Variants in ZNF407 observed in about 807,000 individuals in gnomAD.
ZNF407 encodes zinc finger protein 407.
Under a neutral mutation model 131.2 loss-of-function variants are expected in ZNF407, and 17 were observed. The observed-to-expected ratio is 0.13, with a 90% CI of 0.09 to 0.19. ZNF407 has a LOEUF of 0.19. Ranked by LOEUF, ZNF407 falls within the 10% of genes least tolerant of loss-of-function variation. The pLI, the probability that ZNF407 is intolerant of heterozygous loss-of-function variation, is 1.00. For synonymous variants in ZNF407, 1,156 were observed against 1,062.0 expected, an observed-to-expected ratio of 1.09 and a Z score of -1.72; for missense variants, 2,681 against 2,830.6, an observed-to-expected ratio of 0.95 and a Z score of 1.20.
chr18:74,739,476 T>C (rs1968497378), intron 3 of ZNF407, among the ~76,000 whole-genome samples: 1 of 151,728 alleles, frequency 6.6e-6, no homozygotes, highest in African/African-American at 2.4e-5. Context: ...GAGAATGTTC[T>C]TACATTTGGG....
chr18:74,846,900 A>G, intron 4 of ZNF407, among the ~76,000 whole-genome samples: 1 of 151,858 alleles, frequency 6.6e-6, no homozygotes, highest in African/African-American at 2.4e-5. Context: ...AGGCTGAGGC[A>G]GGAGAATCAC....
intron 8 of ZNF407, among the ~76,000 whole-genome samples, chr18:74,929,131 T>G (rs970403043): frequency 8.5e-5 from 13 of 152,164 alleles, no homozygotes; most frequent in African/African-American, 3.1e-4. Flanking sequence ...CTACAGGACC[T>G]TAAAGAAAAG....
chr18:74,782,383 C>T (rs1029960938), intron 4 of ZNF407, among the ~76,000 whole-genome samples: 11 of 152,102 alleles, frequency 7.2e-5, no homozygotes, highest in African/African-American at 2.7e-4. Context: ...TTAAAATGCT[C>T]TTAGCAGTAT....
rs1197543183 is a variant in ZNF407, at chr18:75,063,702, G to A, written c.5981G>A (p.Cys1994Tyr). The stretch of plus-strand genomic sequence containing the variant: ...TCCTCAGCCCTGGATGCATTGCTCT[G>A]TGCGGTCACTGAATTAGGGGAGGTG... ...EASSALDALLCAVTELGEVEG... is the reference protein window; with the variant it reads ...EASSALDALLYAVTELGEVEG... The change falls in exon 9 of 9, where the codon TGT (cysteine) becomes TAT (tyrosine). Residue 1994 changes from cysteine (C) to tyrosine (Y), a missense_variant. Physicochemically the swap from Cys to Tyr is radical, Grantham distance 194. This residue lies in a region of ZNF407 where 620 missense variants were observed against 583.1 expected (regional missense o/e 1.06). Transcript: ENST00000299687. This position sits in a 1 kb window ranked among gnomAD's most constrained non-coding sequence, Gnocchi z 6.6. The A allele has an allele frequency of 5.0e-6, 8 of 1,612,216 alleles. No homozygotes were observed. The highest frequency in any genetic ancestry group is 4.5e-5 in the East Asian group (2 of 44,834).
intron 4 of ZNF407, among the ~76,000 whole-genome samples, chr18:74,786,683 C>G (rs865846484): frequency 1.1e-4 from 16 of 150,906 alleles, no homozygotes; most frequent in African/African-American, 3.9e-4. Context: ...GAGCTGCGAA[C>G]TCTTTCTGTT....
At chr18:74,677,561 G>T (rs1986443727) in intron 3 of ZNF407, among the ~76,000 whole-genome samples, 1 of 151,830 alleles carries the variant, frequency 6.6e-6, no homozygotes, top group South Asian at 2.1e-4. Flanking sequence ...CCTTTTGAAT[G>T]ATATGTTTGC....
intron 3 of ZNF407, among the ~76,000 whole-genome samples, chr18:74,709,967 ATAGTT>A (rs1341624045): frequency 6.6e-6 from 1 of 152,216 alleles, no homozygotes; most frequent in African/African-American, 2.4e-5. Context: ...GAATTTATGA[ATAGTT>A]TAAACAGTAT....
At chr18:74,700,256 A>G (rs116247617) in intron 3 of ZNF407, among the ~76,000 whole-genome samples, 2,611 of 152,344 alleles carry the variant, frequency 0.017, 74 homozygotes, top group African/African-American at 0.06. Flanking sequence ...TAGTATACCT[A>G]CATTTGAAAC....
chr18:74,705,410 A>G (rs1967601704), intron 3 of ZNF407, among the ~76,000 whole-genome samples: 1 of 152,184 alleles, frequency 6.6e-6, no homozygotes, highest in African/African-American at 2.4e-5. Flanking sequence ...GAAAATGCTG[A>G]ATTGTGCAGA....
At chr18:75,062,620 T>C (rs1973650583) in intron 8 of ZNF407, 1 of 152,276 alleles carries the variant, frequency 6.6e-6, no homozygotes, top group Non-Finnish European at 1.5e-5. Flanking sequence ...CATTAAACTT[T>C]TACAGCGGTG....
intron 8 of ZNF407, among the ~76,000 whole-genome samples, chr18:74,993,416 T>C (rs1477449592): frequency 6.6e-6 from 1 of 152,202 alleles, no homozygotes; most frequent in Non-Finnish European, 1.5e-5. Context: ...GTTCCACTCA[T>C]TTCCCGAGCC....
At chr18:74,965,066 A>T (rs1599267802) in intron 8 of ZNF407, among the ~76,000 whole-genome samples, 1 of 152,168 alleles carries the variant, frequency 6.6e-6, no homozygotes, top group Non-Finnish European at 1.5e-5. Context: ...AGGTGTATGT[A>T]TTTATGGCAT....
At chr18:75,004,074 C>T (rs1041884191) in intron 8 of ZNF407, among the ~76,000 whole-genome samples, 1 of 152,116 alleles carries the variant, frequency 6.6e-6, no homozygotes, top group Non-Finnish European at 1.5e-5. Flanking sequence ...TTTAACCAAC[C>T]CTCTTTCTTG....
chr18:75,014,899 A>C (rs112518001), intron 8 of ZNF407, among the ~76,000 whole-genome samples: 57 of 152,234 alleles, frequency 3.7e-4, no homozygotes, highest in African/African-American at 1.2e-3. Flanking sequence ...ATGAGTTGGA[A>C]ATTTCATAGT....
chr18:74,617,688 T>C (rs1599133283), intron 1 of ZNF407, among the ~76,000 whole-genome samples: 1 of 152,204 alleles, frequency 6.6e-6, no homozygotes, highest in Admixed American at 6.5e-5. Flanking sequence ...GGAGACACAC[T>C]GTGTCCATCT....
chr18:74,962,222 T>C (rs1314059341), intron 8 of ZNF407, among the ~76,000 whole-genome samples: 1 of 152,218 alleles, frequency 6.6e-6, no homozygotes, highest in Non-Finnish European at 1.5e-5. Flanking sequence ...GAAACTTTCT[T>C]TTGAGTGTTT....
At chr18:74,745,156 A>T (rs1292881118) in intron 3 of ZNF407, among the ~76,000 whole-genome samples, 2 of 152,184 alleles carry the variant, frequency 1.3e-5, no homozygotes, top group Admixed American at 6.6e-5. Context: ...AGTTTTAAAA[A>T]GGCAACTTAA....
At chr18:74,692,405 CTG>C (rs1439017937) in intron 3 of ZNF407, among the ~76,000 whole-genome samples, 1 of 152,084 alleles carries the variant, frequency 6.6e-6, no homozygotes, top group African/African-American at 2.4e-5. Flanking sequence ...CCCCGCATGC[CTG>C]TGTCTCAGAG....
chr18:74,993,509 T>C (rs1044678837), intron 8 of ZNF407, among the ~76,000 whole-genome samples: 1 of 152,228 alleles, frequency 6.6e-6, no homozygotes, highest in Non-Finnish European at 1.5e-5. Flanking sequence ...AGGAAAATTC[T>C]GAGGGTAATG....
Sources: gnomAD v4.1 joint callset for allele counts (sites outside exome capture counted in the v4.1 genomes callset) on GRCh38, gnomAD v4.1.1 for gene constraint, gnomAD v4.1.1 regional missense constraint, Gnocchi (gnomAD v3.1) non-coding constraint, MANE v1.5 for transcripts, NCBI Gene and HGNC (gene_info 2026-07-23, HGNC 2026-07-21) for gene names.